Variants in SNX31 observed in about 807,000 individuals in gnomAD.
SNX31 encodes the protein sorting nexin-31.
Under a neutral mutation model 65.4 loss-of-function variants are expected in SNX31, and 58 were observed. That is an observed-to-expected ratio of 0.89 (90% CI 0.72 to 1.10). The LOEUF is 1.10. Among genes scored for constraint, SNX31 ranks in the 50% least tolerant of loss-of-function variants. The pLI is 0.00. For synonymous variants in SNX31, 181 were observed against 190.1 expected (o/e 0.95, Z 0.39); for missense variants, 523 against 529.7 (o/e 0.99, Z 0.12).
intron 2 of SNX31, among the ~76,000 whole-genome samples, chr8:100,647,130 A>G (rs1202607153): frequency 2.0e-5 from 3 of 152,216 alleles, no homozygotes; most frequent in Non-Finnish European, 4.4e-5. Flanking sequence ...CTAAGATCTA[A>G]ATAGTTTCTT....
At chr8:100,574,238 T>C (rs1812846727) in intron 13 of SNX31, among the ~76,000 whole-genome samples, 1 of 152,212 alleles carries the variant, frequency 6.6e-6, no homozygotes, top group South Asian at 2.1e-4. Flanking sequence ...CATTTAACTC[T>C]ACCTGTCTTG....
At chr8:100,654,900 C>T (rs1164640671) in intron 1 of SNX31, among the ~76,000 whole-genome samples, 2 of 152,184 alleles carry the variant, frequency 1.3e-5, no homozygotes, top group Non-Finnish European at 2.9e-5. Flanking sequence ...GTAATCCCAG[C>T]TGCTAGGGAG....
chr8:100,608,178 G>A (rs776301533), intron 8 of SNX31, among the ~76,000 whole-genome samples: 5 of 152,034 alleles, frequency 3.3e-5, no homozygotes, highest in East Asian at 1.9e-4. Context: ...TATATACAAC[G>A]TAACTTGTCA....
Position 100,610,249 on chromosome 8 carries a change from G to A in SNX31, c.612-1686C>T, listed in dbSNP as rs1816587344. Among the ~76,000 whole-genome samples the A allele has an allele frequency of 6.6e-6, 1 of 152,148 alleles. No homozygotes were observed. Among genetic ancestry groups the A allele is most frequent in the African/African-American group, 2.4e-5 (1 of 41,436 alleles). ...GTTTACGTATTTAAAAAAGACATAG[G>A]CAATGCCTAATTTCTAATTCAAGCT... On this transcript the variant is annotated intron_variant, in intron 7 of 13. Coordinates refer to ENST00000311812, the MANE Select transcript of SNX31 (RefSeq NM_152628.4). The surrounding 1 kb of genome is among the most constrained non-coding windows in gnomAD (Gnocchi z 4.0).
intron 2 of SNX31, among the ~76,000 whole-genome samples, chr8:100,637,981 C>T (rs1015026064): frequency 2.8e-4 from 42 of 152,334 alleles, no homozygotes; most frequent in African/African-American, 9.6e-4. Context: ...CAGGTGTGAG[C>T]CACTGCACCC....
chr8:100,581,526 T>C (rs1813555129), intron 12 of SNX31, among the ~76,000 whole-genome samples: 1 of 152,034 alleles, frequency 6.6e-6, no homozygotes, highest in Admixed American at 6.6e-5. Context: ...ACATTTCTTT[T>C]TTCCCTCATT....
chr8:100,597,108 T>C (rs1261683819), intron 9 of SNX31, among the ~76,000 whole-genome samples: 4 of 152,138 alleles, frequency 2.6e-5, no homozygotes, highest in Non-Finnish European at 5.9e-5. Flanking sequence ...GCCCCTGTTA[T>C]GGTGCTTGGT....
chr8:100,616,016 C>T (rs1257201933), intron 5 of SNX31, among the ~76,000 whole-genome samples: 3 of 152,102 alleles, frequency 2.0e-5, no homozygotes, highest in Non-Finnish European at 4.4e-5. Context: ...CCTCGTGATC[C>T]GCCCACCTTG....
intron 12 of SNX31, among the ~76,000 whole-genome samples, chr8:100,580,156 TAAAA>T (rs10608114): frequency 8.0e-5 from 10 of 124,528 alleles, no homozygotes; most frequent in African/African-American, 2.5e-4. Context: ...AGCCTGTCTT[TAAAA>T]AAAAAAAAAA....
rs535146051 is a variant in SNX31 at position 100,607,488 on chromosome 8, A to G, written c.681+1006T>C. Among the ~76,000 whole-genome samples the G allele has an allele frequency of 1.4e-4, 21 of 152,368 alleles. No homozygotes were observed. The South Asian group carries it at 3.1e-3, about 23-fold the overall frequency. ...GGTAGGAGTAGGTAGGGCCAACTAC[A>G]TAATTTTCAGGGTCTACCTAGTGCA... On this transcript the variant is annotated intron_variant, in intron 8 of 13. Transcript: ENST00000311812.
chr8:100,594,460 A>G lies in SNX31; in HGVS notation c.978+2179T>C, dbSNP rs1289566765. On this transcript the variant is annotated intron_variant, in intron 10 of 13. Transcript: ENST00000311812. The surrounding 1 kb of genome is among the most constrained non-coding windows in gnomAD (Gnocchi z 4.0). ...TCAACACTCAACAGTAAAAAGCCAA[A>G]CAATCCAATTCAAAAATGGGTAAAA... 6.6e-6 allele frequency among the ~76,000 whole-genome samples: 1 copy of G among 152,248 alleles called. No individual in the cohort carries two copies. The highest frequency in any genetic ancestry group is 1.5e-5 in the Non-Finnish European group (1 of 68,044).
intron 9 of SNX31, among the ~76,000 whole-genome samples, chr8:100,598,930 C>T (rs1485335677): frequency 1.3e-5 from 2 of 152,172 alleles, no homozygotes; most frequent in Admixed American, 1.3e-4. Flanking sequence ...GCCCATGGAC[C>T]ACAGCCTTTC....
intron 12 of SNX31, among the ~76,000 whole-genome samples, chr8:100,581,407 T>C (rs1394119103): frequency 6.6e-6 from 1 of 150,950 alleles, no homozygotes; most frequent in African/African-American, 2.4e-5. Context: ...TACATTATTC[T>C]TTAGTGCATT....
intron 4 of SNX31, chr8:100,618,715 T>C (rs1043441441): frequency 1.1e-5 from 3 of 275,948 alleles, no homozygotes; most frequent in Non-Finnish European, 2.0e-5. Context: ...TGGCTTATTA[T>C]AAAGGCTACA....
chr8:100,643,908 C>G (rs1321775035), intron 2 of SNX31, among the ~76,000 whole-genome samples: 1 of 152,138 alleles, frequency 6.6e-6, no homozygotes, highest in African/African-American at 2.4e-5. Flanking sequence ...AAGGTTGAAA[C>G]ATGAAGCGGC....
At position 100,658,788 on chromosome 8, in the gene SNX31, G is replaced by T. The variant is rs181807469; in HGVS notation, c.-58+4354C>A. On this transcript the variant is annotated intron_variant, in intron 1 of 5. Coordinates refer to the SNX31 transcript ENST00000520352. ...GTAAGCACACACGAGATGCTTCCGG[G>T]ATCACCATACTTTCAAGAGGTTCTT... 2.9e-3 allele frequency among the ~76,000 whole-genome samples: 439 copies of T among 152,258 alleles called. 1 individual carries two copies. Among genetic ancestry groups the T allele is most frequent in the African/African-American group, 0.01 (420 of 41,536 alleles).
chr8:100,657,895 T>A, intron 1 of SNX31: 1 of 359,712 alleles, frequency 2.8e-6, no homozygotes, highest in South Asian at 2.1e-5. Flanking sequence ...AAACAAAAAA[T>A]AACAACAACA....
chr8:100,612,230 T>G lies in SNX31; in HGVS notation c.524-143A>C, dbSNP rs1032695619. On this transcript the variant is annotated intron_variant, in intron 6 of 13. Transcript: ENST00000311812. The surrounding 1 kb of genome is among the most constrained non-coding windows in gnomAD (Gnocchi z 4.3). ...ATATCCTCTGTATTTACACGTAATT[T>G]TAACTTTCTGAAGTTCATTCAAAAA... 5.1e-6 allele frequency: 3 copies of G among 593,858 alleles called. No homozygotes were observed. In the East Asian group the frequency reaches 8.7e-5, roughly 17 times the overall value. 36.8% of individuals were successfully genotyped at this position (593,858 alleles called of 1,614,324 possible). A position where few individuals can be genotyped will look rare whatever the true frequency, so the allele number is the denominator to read the frequency against.
chr8:100,627,940 G>C (rs1818156228), intron 4 of SNX31, among the ~76,000 whole-genome samples: 1 of 152,150 alleles, frequency 6.6e-6, no homozygotes, highest in South Asian at 2.1e-4. Flanking sequence ...GATATGAACA[G>C]ACACTTCTCA....
Sources: allele counts gnomAD v4.1 joint callset (sites outside exome capture counted in the v4.1 genomes callset), GRCh38; gene constraint gnomAD v4.1.1; non-coding constraint Gnocchi (gnomAD v3.1); transcripts MANE v1.5; gene names NCBI Gene and HGNC (gene_info 2026-07-23, HGNC 2026-07-21).